Variants in CSTPP1 observed in about 807,000 individuals in gnomAD.
The protein encoded by CSTPP1 is UPF0705 protein C11orf49.
the CSTPP1 span, among the ~76,000 whole-genome samples, chr11:46,981,803 C>T: frequency 6.6e-6 from 1 of 152,020 alleles, no homozygotes; most frequent in Non-Finnish European, 1.5e-5. Flanking sequence ...ATAAGAATTA[C>T]ATGTGCTAGA....
the CSTPP1 span, among the ~76,000 whole-genome samples, chr11:47,015,020 C>T: frequency 7.2e-5 from 11 of 151,980 alleles, no homozygotes; most frequent in Admixed American, 3.9e-4. Context: ...ATATCAGGAA[C>T]GAGAGAGATA....
chr11:47,112,119 G>C, the CSTPP1 span, among the ~76,000 whole-genome samples: 1 of 152,034 alleles, frequency 6.6e-6, no homozygotes, highest in Admixed American at 6.6e-5. Context: ...GTCTGTATCA[G>C]TTACTCCTTA....
chr11:47,100,151 A>G, the CSTPP1 span, among the ~76,000 whole-genome samples: 2 of 152,130 alleles, frequency 1.3e-5, no homozygotes, highest in African/African-American at 4.8e-5. Flanking sequence ...TCTAGTTTCT[A>G]TTTTAGTACA....
the CSTPP1 span, among the ~76,000 whole-genome samples, chr11:46,968,531 A>G: frequency 6.6e-6 from 1 of 151,390 alleles, no homozygotes; most frequent in Non-Finnish European, 1.5e-5. Context: ...ACATTAGTAG[A>G]CATTCAAAGC....
chr11:47,014,224 A>G, the CSTPP1 span, among the ~76,000 whole-genome samples: 2 of 151,636 alleles, frequency 1.3e-5, no homozygotes, highest in East Asian at 3.9e-4. Context: ...AAGAAAGGAA[A>G]AAGAAAGAAG....
chr11:46,970,739 TATG>T, the CSTPP1 span, among the ~76,000 whole-genome samples: 1 of 152,078 alleles, frequency 6.6e-6, no homozygotes, highest in Non-Finnish European at 1.5e-5. Context: ...TAAAGCTTAA[TATG>T]ATATGTACAG....
At chr11:47,136,732 G>A in the CSTPP1 span, among the ~76,000 whole-genome samples, 56 of 152,084 alleles carry the variant, frequency 3.7e-4, 1 homozygote, top group African/African-American at 1.3e-3. Context: ...CTCCCAATTA[G>A]GCAGGCTTCC....
chr11:47,096,286 T>C, the CSTPP1 span, among the ~76,000 whole-genome samples: 2 of 152,190 alleles, frequency 1.3e-5, no homozygotes, highest in African/African-American at 4.8e-5. Context: ...CACCACGCAT[T>C]TCCAGAACTT....
the CSTPP1 span, chr11:47,161,129 G>A: frequency 6.2e-7 from 1 of 1,614,188 alleles, no homozygotes; most frequent in Admixed American, 1.7e-5. Context: ...TCTCCTAGGA[G>A]CTTTGCCTGA....
the CSTPP1 span, among the ~76,000 whole-genome samples, chr11:46,960,861 GAA>G: frequency 7.0e-6 from 1 of 143,764 alleles, no homozygotes; most frequent in African/African-American, 2.5e-5. Flanking sequence ...TCAAAAAAAA[GAA>G]AAAAAAAAAG....
At chr11:47,118,555 T>G in the CSTPP1 span, among the ~76,000 whole-genome samples, 1 of 152,192 alleles carries the variant, frequency 6.6e-6, no homozygotes, top group Non-Finnish European at 1.5e-5. Flanking sequence ...AATTTTCAGC[T>G]TTTCTGCTCT....
At chr11:47,153,032 C>G in the CSTPP1 span, among the ~76,000 whole-genome samples, 1 of 152,178 alleles carries the variant, frequency 6.6e-6, no homozygotes, top group Non-Finnish European at 1.5e-5. Flanking sequence ...CCTGAGCGCT[C>G]CCGGGGGAGC....
the CSTPP1 span, chr11:46,987,580 C>A: frequency 3.1e-6 from 1 of 319,798 alleles, no homozygotes. Flanking sequence ...GTAGGTTTCT[C>A]TTTTAACTTT....
the CSTPP1 span, among the ~76,000 whole-genome samples, chr11:47,098,860 T>C: frequency 1.3e-5 from 2 of 152,210 alleles, no homozygotes; most frequent in Non-Finnish European, 2.9e-5. Flanking sequence ...ATCAGTAATA[T>C]AGTATGGCAG....
chr11:47,024,811 T>A, the CSTPP1 span, among the ~76,000 whole-genome samples: 2 of 152,138 alleles, frequency 1.3e-5, no homozygotes, highest in African/African-American at 4.8e-5. Flanking sequence ...ATACATTAAA[T>A]TCTCGTTTGT....
chr11:47,036,964 A>T, the CSTPP1 span, among the ~76,000 whole-genome samples: 3 of 126,138 alleles, frequency 2.4e-5, 1 homozygote, highest in Admixed American at 1.7e-4. Flanking sequence ...TACAGGAGTG[A>T]GCCACCACGC....
At chr11:47,092,411 C>T in the CSTPP1 span, among the ~76,000 whole-genome samples, 1 of 152,076 alleles carries the variant, frequency 6.6e-6, no homozygotes, top group South Asian at 2.1e-4. Context: ...CAGTAGGTTT[C>T]CCCCATTCCC....
chr11:47,079,245 G>T, the CSTPP1 span, among the ~76,000 whole-genome samples: 78,028 of 152,086 alleles, frequency 0.51, 23,665 homozygotes, highest in Non-Finnish European at 0.68. Flanking sequence ...TGGACATCTG[G>T]ACACAAATCT....
chr11:47,017,754 C>G, the CSTPP1 span, among the ~76,000 whole-genome samples: 14 of 151,362 alleles, frequency 9.2e-5, no homozygotes, highest in African/African-American at 3.4e-4. Context: ...TGAAACCTCC[C>G]CTTCTTGGGT....
Sources: gnomAD v4.1 joint callset for allele counts (sites outside exome capture counted in the v4.1 genomes callset) on GRCh38, gnomAD v4.1.1 for gene constraint, MANE v1.5 for transcripts, NCBI Gene and HGNC (gene_info 2026-07-23, HGNC 2026-07-21) for gene names.